The following ZNF827 variants were observed in gnomAD, a reference collection of about 807,000 sequenced individuals.
ZNF827 encodes zinc finger protein 827.
ZNF827 carries 13 observed loss-of-function variants against 102.4 expected under a neutral mutation model. That is an observed-to-expected ratio of 0.13 (90% CI 0.08 to 0.20). The LOEUF (loss-of-function observed/expected upper bound fraction) is 0.20, where lower values mean the gene tolerates loss of function less well. Among genes scored for constraint, ZNF827 ranks in the 10% least tolerant of loss-of-function variants. The probability of loss-of-function intolerance (pLI) is 1.00; values close to 1 mark genes in which losing one functional copy is unlikely to be tolerated. For synonymous variants in ZNF827, 523 were observed against 536.2 expected (o/e 0.98, Z 0.34); for missense variants, 1,103 against 1,344.4 (o/e 0.82, Z 2.81).
At chr4:145,831,692 T>C (rs1744223940) in intron 7 of ZNF827, 1 of 152,178 alleles carries the variant, frequency 6.6e-6, no homozygotes, top group Non-Finnish European at 1.5e-5. Flanking sequence ...ACTAGCATCA[T>C]GGAAAATCTC....
chr4:145,787,747 CTGTT>C (rs888197951), intron 8 of ZNF827, among the ~76,000 whole-genome samples: 4 of 152,086 alleles, frequency 2.6e-5, no homozygotes, highest in Non-Finnish European at 5.9e-5. Context: ...CTATCAAACT[CTGTT>C]TGACAGAGCA....
chr4:145,793,888 A>G (rs932530731), intron 8 of ZNF827, among the ~76,000 whole-genome samples: 6 of 152,148 alleles, frequency 3.9e-5, no homozygotes, highest in Non-Finnish European at 8.8e-5. Context: ...TTCATAGAGA[A>G]CTTGAGATGT....
chr4:145,935,362 G>C (rs1358809730), intron 1 of ZNF827, among the ~76,000 whole-genome samples: 1 of 152,202 alleles, frequency 6.6e-6, no homozygotes, highest in African/African-American at 2.4e-5. Flanking sequence ...CACACCACTT[G>C]CAAGTTTCAA....
At chr4:145,830,042 A>T (rs1308887074) in intron 7 of ZNF827, among the ~76,000 whole-genome samples, 1 of 152,224 alleles carries the variant, frequency 6.6e-6, no homozygotes, top group Non-Finnish European at 1.5e-5. Context: ...CAACAGATGA[A>T]AGTTATCTCA....
Position 145,870,477 on chromosome 4 carries a change from AGCTGTC to A in ZNF827, c.1748-5_1748del, listed in dbSNP as rs1278206041. ...GATTCATGGGCTCCTTCTGATTTGCAGCTGTCAAAAGAAAAAAAGGGATTATATATA... is the reference window on the plus strand; with the variant it reads ...GATTCATGGGCTCCTTCTGATTTGCAAAAAGAAAAAAAGGGATTATATATA... On this transcript the variant is annotated splice_acceptor_variant and splice_polypyrimidine_tract_variant and coding_sequence_variant and intron_variant, in exon 5 of 15. Coordinates refer to ENST00000508784, the MANE Select transcript of ZNF827 (RefSeq NM_001306215.2). LOFTEE classifies it high-confidence loss of function. 6.2e-7 allele frequency: 1 copy of A among 1,613,486 alleles called. No individual in the cohort carries two copies. Among genetic ancestry groups the A allele is most frequent in the Admixed American group, 1.7e-5 (1 of 59,854 alleles).
chr4:145,890,167 A>G (rs1750483974), intron 3 of ZNF827, among the ~76,000 whole-genome samples: 1 of 152,164 alleles, frequency 6.6e-6, no homozygotes, highest in African/African-American at 2.4e-5. Flanking sequence ...AGAACAGCCA[A>G]TAAGTGAGGT....
chr4:145,773,444 CA>C (rs981945873), intron 11 of ZNF827, among the ~76,000 whole-genome samples: 10 of 152,212 alleles, frequency 6.6e-5, no homozygotes, highest in Admixed American at 3.3e-4. Context: ...GCACAACTGT[CA>C]GGGAAATTCC....
At chr4:145,833,650 TTA>T (rs1744497247) in intron 7 of ZNF827, among the ~76,000 whole-genome samples, 1 of 151,556 alleles carries the variant, frequency 6.6e-6, no homozygotes, top group African/African-American at 2.4e-5. Context: ...CCCCAACCTC[TTA>T]TCTCTGTGCC....
At chr4:145,805,556 T>C (rs2135959) in intron 8 of ZNF827, among the ~76,000 whole-genome samples, 146,134 of 152,322 alleles carry the variant, frequency 0.96, 70,163 homozygotes, top group African/African-American at 0.99. Flanking sequence ...TCTTTTATCT[T>C]TATGCAGGGC....
chr4:145,790,276 G>A (rs923198290), intron 8 of ZNF827, among the ~76,000 whole-genome samples: 11 of 152,068 alleles, frequency 7.2e-5, no homozygotes, highest in Non-Finnish European at 1.6e-4. Flanking sequence ...CTTTTCTCTT[G>A]TTTGTCATTG....
intron 4 of ZNF827, among the ~76,000 whole-genome samples, chr4:145,872,319 G>T (rs1748762983): frequency 6.6e-6 from 1 of 152,082 alleles, no homozygotes; most frequent in South Asian, 2.1e-4. Flanking sequence ...AGAAGAATAA[G>T]AAGAGAGAGA....
At position 145,916,185 on chromosome 4, in the gene ZNF827, G is replaced by T. The variant is rs530661662; in HGVS notation, c.44-12970C>A. ...GCTCCACTAGGCATTGCCCTAGTTG[G>T]GGGCTCCCTGCATCAGCTCTGCCCC... On this transcript the variant is annotated intron_variant, in intron 1 of 14. Transcript: ENST00000508784. Among the ~76,000 whole-genome samples the T allele has an allele frequency of 6.6e-5, 10 of 152,292 alleles. No homozygotes were observed. In the East Asian group the frequency reaches 1.5e-3, roughly 24 times the overall value.
At position 145,849,282 on chromosome 4, in the gene ZNF827, T is replaced by C. The variant is rs748083019; in HGVS notation, c.2221+40A>G. 20 of 1,593,072 alleles carry C rather than the reference T, an allele frequency of 1.3e-5. No individual in the cohort carries two copies. The African/African-American group carries it at 2.2e-4, about 17-fold the overall frequency. Reference sequence around the variant, plus strand: ...CTGTGTTAGAAGGGTTTTCCTTCAATGATTTCCAATAATTGACATTTTCCT... The same window carrying C: ...CTGTGTTAGAAGGGTTTTCCTTCAACGATTTCCAATAATTGACATTTTCCT... On this transcript the variant is annotated intron_variant, in intron 6 of 14. Coordinates refer to ENST00000508784, the MANE Select transcript of ZNF827 (RefSeq NM_001306215.2).
chr4:145,935,878 T>C (rs1196512572), intron 1 of ZNF827, among the ~76,000 whole-genome samples: 2 of 152,034 alleles, frequency 1.3e-5, no homozygotes, highest in African/African-American at 4.8e-5. Flanking sequence ...GCTGCCCGAC[T>C]GCACTACACA....
chr4:145,769,759 T>A (rs1243008492), intron 11 of ZNF827, among the ~76,000 whole-genome samples: 2 of 152,186 alleles, frequency 1.3e-5, no homozygotes, highest in East Asian at 3.9e-4. Flanking sequence ...GAAGGACACC[T>A]GTGCACAGGT....
intron 9 of ZNF827, 126 bp from the exon 10 acceptor site, chr4:145,776,086 G>A (rs2126949310): frequency 9.4e-7 from 1 of 1,059,800 alleles, no homozygotes; most frequent in East Asian, 2.4e-5. Flanking sequence ...TGGAGACAAT[G>A]GTAATGCCTA....
chr4:145,906,588 T>C (rs2126906304), intron 1 of ZNF827, among the ~76,000 whole-genome samples: 1 of 152,232 alleles, frequency 6.6e-6, no homozygotes, highest in South Asian at 2.1e-4. Context: ...TGCAAACAGG[T>C]AAGTGTGCCA....
chr4:145,794,363 G>A (rs1740158634), intron 8 of ZNF827, among the ~76,000 whole-genome samples: 1 of 152,146 alleles, frequency 6.6e-6, no homozygotes, highest in Non-Finnish European at 1.5e-5. Context: ...TAGTCTTACA[G>A]GAGATAATGT....
chr4:145,785,210 G>T (rs974049953), intron 8 of ZNF827, among the ~76,000 whole-genome samples: 3 of 152,134 alleles, frequency 2.0e-5, no homozygotes, highest in Non-Finnish European at 1.5e-5. Flanking sequence ...CCTGTTAATG[G>T]TGAACTGAGG....
Sources: gnomAD v4.1 joint callset for allele counts (sites outside exome capture counted in the v4.1 genomes callset) on GRCh38, gnomAD v4.1.1 for gene constraint, MANE v1.5 for transcripts, NCBI Gene and HGNC (gene_info 2026-07-23, HGNC 2026-07-21) for gene names.